Variants in TENM3 observed in about 807,000 individuals in gnomAD.
The protein encoded by TENM3 is teneurin transmembrane protein 3.
In TENM3, 63 loss-of-function variants were observed where a neutral mutation model predicts 255.1. The ratio of observed to expected loss-of-function variants is 0.25; its 90% confidence interval spans 0.20 to 0.30. The LOEUF is 0.30. Ranked by LOEUF, TENM3 falls within the 10% of genes least tolerant of loss-of-function variation. TENM3 has a pLI of 1.00. For missense variants in TENM3, 2,929 were observed against 3,461.1 expected, an observed-to-expected ratio of 0.85 and a Z score of 3.86; for synonymous variants, 1,306 against 1,322.3, an observed-to-expected ratio of 0.99 and a Z score of 0.27.
chr4:182,161,923 A>ATATATACACACATGTG (rs1561154378), intron 1 of TENM3, among the ~76,000 whole-genome samples: 2 of 10,672 alleles, frequency 1.9e-4, no homozygotes, highest in African/African-American at 3.8e-4. Flanking sequence ...ATGTATGTGT[A>ATATATACACACATGTG]TATATATACA....
At chr4:181,629,014 G>T in the TENM3 span, among the ~76,000 whole-genome samples, 1 of 152,090 alleles carries the variant, frequency 6.6e-6, no homozygotes, top group South Asian at 2.1e-4. Context: ...ATTTTGCTTA[G>T]CAGTGGTTTG....
intron 3 of TENM3, among the ~76,000 whole-genome samples, chr4:182,431,804 T>C (rs1447948364): frequency 6.6e-6 from 1 of 151,782 alleles, no homozygotes; most frequent in Non-Finnish European, 1.5e-5. Context: ...GGGCCGGGCA[T>C]AGTGGTTTAC....
At chr4:182,578,078 G>C (rs772800698) in intron 3 of TENM3, among the ~76,000 whole-genome samples, 2 of 151,940 alleles carry the variant, frequency 1.3e-5, no homozygotes, top group Non-Finnish European at 2.9e-5. Context: ...CCAGGTTCAA[G>C]CAATTCTCCT....
At chr4:182,488,617 T>C (rs2151566124) in intron 3 of TENM3, among the ~76,000 whole-genome samples, 1 of 152,140 alleles carries the variant, frequency 6.6e-6, no homozygotes, top group South Asian at 2.1e-4. Context: ...AAATCATCAG[T>C]TCAAGGGGAA....
At chr4:182,165,483 C>T (rs1453540457) in intron 1 of TENM3, among the ~76,000 whole-genome samples, 1 of 152,126 alleles carries the variant, frequency 6.6e-6, no homozygotes, top group African/African-American at 2.4e-5. Context: ...TTACACGTTC[C>T]GTCGTGTTCC....
chr4:181,815,375 T>C, the TENM3 span, among the ~76,000 whole-genome samples: 2 of 146,498 alleles, frequency 1.4e-5, 1 homozygote, highest in African/African-American at 5.1e-5. Flanking sequence ...GGCAGAAGAA[T>C]TGCTTGAAAC....
At chr4:182,790,772 A>G (rs1309059943) in intron 25 of TENM3, among the ~76,000 whole-genome samples, 1 of 152,226 alleles carries the variant, frequency 6.6e-6, no homozygotes, top group Non-Finnish European at 1.5e-5. Context: ...TACAGAGAAG[A>G]ATAACAGAAA....
the TENM3 span, among the ~76,000 whole-genome samples, chr4:182,119,630 G>GT: frequency 4.6e-5 from 7 of 152,144 alleles, no homozygotes; most frequent in South Asian, 2.1e-4. Flanking sequence ...TTCATTCAGT[G>GT]TTTTTTTCTT....
chr4:182,596,453 G>C (rs1207633260), intron 3 of TENM3, among the ~76,000 whole-genome samples: 1 of 152,144 alleles, frequency 6.6e-6, no homozygotes, highest in East Asian at 1.9e-4. Context: ...ATGAAAAAGG[G>C]ACAGATACAA....
chr4:181,975,260 C>G, the TENM3 span: 1 of 151,680 alleles, frequency 6.6e-6, no homozygotes, highest in Non-Finnish European at 1.5e-5. Flanking sequence ...GCCTCAGCCT[C>G]CCGAGTAGCT....
intron 3 of TENM3, among the ~76,000 whole-genome samples, chr4:182,568,394 G>A (rs530787881): frequency 6.6e-6 from 1 of 152,198 alleles, no homozygotes; most frequent in Non-Finnish European, 1.5e-5. Flanking sequence ...AGAATGAGAA[G>A]GGGCAAGGCT....
intron 1 of TENM3, among the ~76,000 whole-genome samples, chr4:182,253,482 AATAAC>A (rs1758176405): frequency 1.3e-5 from 2 of 152,316 alleles, no homozygotes; most frequent in Admixed American, 1.3e-4. Context: ...CCCCCAGAAA[AATAAC>A]AGAAGATTTA....
the TENM3 span, among the ~76,000 whole-genome samples, chr4:181,495,576 AGAG>A: frequency 6.6e-6 from 1 of 151,986 alleles, no homozygotes; most frequent in Non-Finnish European, 1.5e-5. Context: ...AGAGAGAGAG[AGAG>A]AGACATTCAT....
intron 3 of TENM3, among the ~76,000 whole-genome samples, chr4:182,385,714 G>A (rs1210460677): frequency 1.3e-5 from 2 of 152,292 alleles, no homozygotes; most frequent in African/African-American, 4.8e-5. Flanking sequence ...ATATTTTAAT[G>A]AATTTGTCCT....
chr4:181,784,017 C>T, the TENM3 span, among the ~76,000 whole-genome samples: 164 of 152,250 alleles, frequency 1.1e-3, 1 homozygote, highest in Non-Finnish European at 1.9e-3. Flanking sequence ...GGTGATTTTA[C>T]GTACTATGTT....
the TENM3 span, among the ~76,000 whole-genome samples, chr4:182,081,208 A>G: frequency 6.6e-6 from 1 of 152,120 alleles, no homozygotes; most frequent in Non-Finnish European, 1.5e-5. Context: ...TACTTAGGTA[A>G]TACTCTTCTT....
rs7667793 is a variant in TENM3, at chr4:182,398,868, A to T, written c.511+51939A>T. On this transcript the variant is annotated intron_variant, in intron 3 of 27. Coordinates refer to ENST00000511685, the MANE Select transcript of TENM3 (RefSeq NM_001080477.4). ...CTACGCGAATAAGTCAGAAGACCTGAACTGTGATTTGGGAGTTAAAAAATG... is the reference window on the plus strand; with the variant it reads ...CTACGCGAATAAGTCAGAAGACCTGTACTGTGATTTGGGAGTTAAAAAATG... Among the ~76,000 whole-genome samples the T allele has an allele frequency of 4.5e-3, 683 of 152,316 alleles. 7 individuals are homozygous for T. The highest frequency in any genetic ancestry group is 0.015 in the African/African-American group (640 of 41,550).
At chr4:181,597,676 C>T in the TENM3 span, among the ~76,000 whole-genome samples, 1 of 152,060 alleles carries the variant, frequency 6.6e-6, no homozygotes, top group Non-Finnish European at 1.5e-5. Flanking sequence ...AAGGTTCCCT[C>T]AATAAATCAG....
At chr4:181,920,369 A>C in the TENM3 span, among the ~76,000 whole-genome samples, 3 of 151,344 alleles carry the variant, frequency 2.0e-5, no homozygotes, top group Non-Finnish European at 4.4e-5. Flanking sequence ...AAGTGTTCCT[A>C]TTTCTCCACA....
Sources: allele counts gnomAD v4.1 joint callset (sites outside exome capture counted in the v4.1 genomes callset), GRCh38; gene constraint gnomAD v4.1.1; transcripts MANE v1.5; gene names NCBI Gene and HGNC (gene_info 2026-07-23, HGNC 2026-07-21).